PTPN14: variants seen among roughly 807,000 people sequenced by gnomAD.
PTPN14 encodes tyrosine-protein phosphatase non-receptor type 14.
In PTPN14, 53 loss-of-function variants were observed where a neutral mutation model predicts 126.8. The observed-to-expected ratio is 0.42, with a 90% CI of 0.34 to 0.53. The LOEUF is 0.53. PTPN14 is among the 20% of genes least tolerant of loss of function. PTPN14 has a pLI of 0.08. For synonymous variants in PTPN14, 630 were observed against 599.3 expected (o/e 1.05, Z -0.75); for missense variants, 1,257 against 1,552.9 (o/e 0.81, Z 3.20).
chr1:214,403,240 G>A (rs890775946), intron 5 of PTPN14, among the ~76,000 whole-genome samples: 3 of 152,080 alleles, frequency 2.0e-5, no homozygotes, highest in Admixed American at 2.0e-4. Flanking sequence ...TTCCCTATCC[G>A]CCTGCCTCTC....
intron 5 of PTPN14, among the ~76,000 whole-genome samples, chr1:214,403,690 G>GT (rs1424385076): frequency 3.9e-5 from 6 of 152,180 alleles, no homozygotes; most frequent in Admixed American, 6.5e-5. Flanking sequence ...CACTGGCCAG[G>GT]GAAGCACTGC....
rs1553258558 is a variant in PTPN14, at chr1:214,364,766, A to AGAGTGTGTGT, written c.3272-92_3272-91insACACACACTC. The AGAGTGTGTGT allele has an allele frequency of 1.4e-5, 8 of 591,890 alleles. No homozygotes were observed. The highest frequency in any genetic ancestry group is 2.3e-5 in the South Asian group (1 of 42,778). The allele number at this position is 591,890 out of a possible 1,614,324, so 36.7% of individuals were successfully genotyped here. On this transcript the variant is annotated intron_variant, in intron 17 of 18. Transcript: ENST00000366956. The surrounding 1 kb of genome is among the most constrained non-coding windows in gnomAD (Gnocchi z 4.1). Reference sequence around the variant, plus strand: ...GGGGAGCGGAAGAGAACTGATGGTGAGTGTGTGTGTGTGTGTGTGTGTGTG... The same window carrying AGAGTGTGTGT: ...GGGGAGCGGAAGAGAACTGATGGTGAGAGTGTGTGTGTGTGTGTGTGTGTGTGTGTGTGTG...
intron 16 of PTPN14, chr1:214,372,509 A>C (rs2102521930): frequency 1.4e-6 from 1 of 700,742 alleles, no homozygotes; most frequent in East Asian, 2.9e-5. Flanking sequence ...GAGGAGGAAA[A>C]GCTACAACAA....
intron 3 of PTPN14, among the ~76,000 whole-genome samples, chr1:214,437,210 C>A (rs1444327049): frequency 6.6e-6 from 1 of 150,652 alleles, no homozygotes; most frequent in Non-Finnish European, 1.5e-5. Context: ...CTTACACTTA[C>A]CTAAATGCAG....
intron 1 of PTPN14, among the ~76,000 whole-genome samples, chr1:214,527,973 C>A (rs1337839289): frequency 2.6e-5 from 4 of 152,162 alleles, no homozygotes; most frequent in African/African-American, 9.7e-5. Flanking sequence ...TAAAGTCACT[C>A]CTCTCTAAAG....
At chr1:214,436,355 AC>A (rs1317076578) in intron 3 of PTPN14, among the ~76,000 whole-genome samples, 1 of 152,162 alleles carries the variant, frequency 6.6e-6, no homozygotes, top group Non-Finnish European at 1.5e-5. Context: ...CACACAATTT[AC>A]CTATATAACA....
chr1:214,459,987 G>T (rs999222603), intron 2 of PTPN14, among the ~76,000 whole-genome samples: 46 of 152,300 alleles, frequency 3.0e-4, no homozygotes, highest in Middle Eastern at 3.4e-3. Context: ...ATTGAGGAAA[G>T]AATGTTTCCC....
intron 3 of PTPN14, among the ~76,000 whole-genome samples, chr1:214,446,311 A>C (rs1222612932): frequency 6.6e-6 from 1 of 151,640 alleles, no homozygotes; most frequent in Admixed American, 6.6e-5. Flanking sequence ...TTTCCTTTTA[A>C]TATATTTTGT....
chr1:214,513,523 T>G (rs1262476110), intron 1 of PTPN14, among the ~76,000 whole-genome samples: 1 of 152,182 alleles, frequency 6.6e-6, no homozygotes, highest in Admixed American at 6.5e-5. Context: ...ACTACCCTCA[T>G]TGACAGGGCA....
intron 3 of PTPN14, among the ~76,000 whole-genome samples, chr1:214,422,125 T>C (rs35646913): frequency 0.049 from 7,445 of 152,282 alleles, 227 homozygotes; most frequent in South Asian, 0.11. Flanking sequence ...CTATTAGATG[T>C]TATTTCTATA....
At chr1:214,372,590 TGTG>T in intron 16 of PTPN14, 118 bp downstream of exon 16, 1 of 1,366,592 alleles carries the variant, frequency 7.3e-7, no homozygotes, top group Non-Finnish European at 1.0e-6. Context: ...GAGAAAAGCA[TGTG>T]CAGAGAAACA....
chr1:214,403,086 G>T, intron 5 of PTPN14, 133 bp from the exon 6 acceptor site: 1 of 797,736 alleles, frequency 1.3e-6, no homozygotes, highest in Non-Finnish European at 2.0e-6. Flanking sequence ...TACTGCTGTA[G>T]AATTAAAGGT....
intron 4 of PTPN14, among the ~76,000 whole-genome samples, chr1:214,413,348 C>T (rs553836178): frequency 6.6e-6 from 1 of 152,316 alleles, no homozygotes; most frequent in East Asian, 1.9e-4. Flanking sequence ...TGCCTGTTTC[C>T]ATCCACAGAA....
At chr1:214,378,535 A>G (rs774342872) in intron 13 of PTPN14, among the ~76,000 whole-genome samples, 1 of 150,330 alleles carries the variant, frequency 6.7e-6, no homozygotes, top group African/African-American at 2.5e-5. Flanking sequence ...CAAAACTTGT[A>G]AAACAGTTTG....
At chr1:214,515,794 G>GAA (rs143180203) in intron 1 of PTPN14, among the ~76,000 whole-genome samples, 1 of 147,168 alleles carries the variant, frequency 6.8e-6, no homozygotes, top group Non-Finnish European at 1.5e-5. Context: ...GTGAAGAAAA[G>GAA]AAAAAAAAAA....
intron 1 of PTPN14, among the ~76,000 whole-genome samples, chr1:214,499,363 T>C (rs1379467058): frequency 2.1e-5 from 3 of 144,116 alleles, no homozygotes; most frequent in Non-Finnish European, 4.4e-5. Context: ...AATGAGTGTG[T>C]GGAAAAAGAG....
At chr1:214,367,004 T>C (rs12408452) in intron 17 of PTPN14, among the ~76,000 whole-genome samples, 22,115 of 150,204 alleles carry the variant, frequency 0.15, 2,092 homozygotes, top group East Asian at 0.25. Context: ...AAAAAAATAC[T>C]ATGTCTTTTT....
intron 11 of PTPN14, among the ~76,000 whole-genome samples, chr1:214,389,052 T>G (rs1209608058): frequency 6.6e-6 from 1 of 152,228 alleles, no homozygotes; most frequent in Non-Finnish European, 1.5e-5. Context: ...CTTTGGCTGA[T>G]TTTTGAGTTG....
At chr1:214,395,143 CAA>C (rs1658849094) in intron 8 of PTPN14, among the ~76,000 whole-genome samples, 157 bp from the exon 9 acceptor site, 1 of 152,286 alleles carries the variant, frequency 6.6e-6, no homozygotes, top group Admixed American at 6.5e-5. Flanking sequence ...AAAGAAAATG[CAA>C]CACATATCCA....
Sources: allele counts gnomAD v4.1 joint callset (sites outside exome capture counted in the v4.1 genomes callset), GRCh38; gene constraint gnomAD v4.1.1; non-coding constraint Gnocchi (gnomAD v3.1); transcripts MANE v1.5; gene names NCBI Gene and HGNC (gene_info 2026-07-23, HGNC 2026-07-21).